The following PLD5 variants were observed in gnomAD, a reference collection of about 807,000 sequenced individuals.
PLD5 encodes the protein inactive phospholipase D5.
A neutral mutation model predicts 61.1 loss-of-function variants in PLD5; 36 were observed. That is an observed-to-expected ratio of 0.59 (90% CI 0.45 to 0.78). The LOEUF (loss-of-function observed/expected upper bound fraction) is 0.78, where lower values mean the gene tolerates loss of function less well. Ranked by LOEUF, PLD5 falls within the 30% of genes least tolerant of loss-of-function variation. PLD5 has a pLI of 0.00. For synonymous variants in PLD5, 243 were observed against 242.8 expected, an observed-to-expected ratio of 1.00 and a Z score of -0.01; for missense variants, 515 against 644.4, an observed-to-expected ratio of 0.80 and a Z score of 2.17.
At chr1:242,201,301 G>A (rs956045614) in intron 5 of PLD5, among the ~76,000 whole-genome samples, 1 of 152,166 alleles carries the variant, frequency 6.6e-6, no homozygotes, top group Non-Finnish European at 1.5e-5. Context: ...CTTGACATAT[G>A]CAGAATGATT....
At chr1:242,420,951 C>G (rs112724876) in intron 1 of PLD5, among the ~76,000 whole-genome samples, 6,214 of 152,070 alleles carry the variant, frequency 0.041, 445 homozygotes, top group African/African-American at 0.14. Context: ...GAAGGCCGAG[C>G]CAGGCGGATC....
At chr1:242,427,484 T>C (rs1665495276) in intron 1 of PLD5, among the ~76,000 whole-genome samples, 1 of 152,218 alleles carries the variant, frequency 6.6e-6, no homozygotes, top group South Asian at 2.1e-4. Flanking sequence ...TTCAATTTAA[T>C]ATCATGTTAA....
chr1:242,211,872 A>G lies in PLD5; in HGVS notation c.735+8116T>C, dbSNP rs978878715. On this transcript the variant is annotated intron_variant, in intron 5 of 9. Coordinates refer to ENST00000536534, the MANE Select transcript of PLD5 (RefSeq NM_001372062.1). ...AAACAGTATATAGAAGTATTGAAACAGCTGCTTAAAGCTAGTGGAGCCTAT... is the reference window on the plus strand; with the variant it reads ...AAACAGTATATAGAAGTATTGAAACGGCTGCTTAAAGCTAGTGGAGCCTAT... 1.1e-4 allele frequency among the ~76,000 whole-genome samples: 17 copies of G among 152,350 alleles called. No individual in the cohort carries two copies. In the East Asian group the frequency reaches 3.1e-3, roughly 28 times the overall value.
intron 2 of PLD5, among the ~76,000 whole-genome samples, chr1:242,336,142 C>A (rs1395926663): frequency 1.3e-5 from 2 of 152,046 alleles, no homozygotes; most frequent in East Asian, 3.9e-4. Context: ...ATCAGACTGG[C>A]AAAGATAAAG....
chr1:242,354,051 G>A (rs1333571524), intron 1 of PLD5, among the ~76,000 whole-genome samples: 1 of 151,482 alleles, frequency 6.6e-6, no homozygotes, highest in East Asian at 1.9e-4. Flanking sequence ...ATTGAGGTAA[G>A]AGACCAGGAA....
chr1:242,177,544 C>T (rs543147268), intron 5 of PLD5, among the ~76,000 whole-genome samples: 52 of 152,024 alleles, frequency 3.4e-4, no homozygotes, highest in African/African-American at 1.1e-3. Context: ...TGTACATGTA[C>T]CCTAGAACTT....
intron 4 of PLD5, among the ~76,000 whole-genome samples, chr1:242,228,626 G>A (rs1278948681): frequency 1.3e-5 from 2 of 150,934 alleles, no homozygotes; most frequent in Admixed American, 1.3e-4. Context: ...AAAGATAAGA[G>A]AAGTCAAGCT....
intron 4 of PLD5, among the ~76,000 whole-genome samples, chr1:242,250,832 G>A (rs1672658837): frequency 6.6e-6 from 1 of 152,162 alleles, no homozygotes; most frequent in Non-Finnish European, 1.5e-5. Context: ...GTCATTTGCA[G>A]TCATTCCAGA....
At chr1:242,210,918 A>G (rs1669773810) in intron 5 of PLD5, 2 of 152,202 alleles carry the variant, frequency 1.3e-5, no homozygotes, top group Non-Finnish European at 2.9e-5. Context: ...CGAGGCCCTT[A>G]CCCTCTTATA....
At chr1:242,121,546 A>T (rs1662358144) in intron 6 of PLD5, among the ~76,000 whole-genome samples, 1 of 152,214 alleles carries the variant, frequency 6.6e-6, no homozygotes, top group Non-Finnish European at 1.5e-5. Flanking sequence ...ATAAAAAAAG[A>T]AAGTAAACTA....
chr1:242,272,176 G>T (rs1674129321), intron 3 of PLD5, among the ~76,000 whole-genome samples: 1 of 152,002 alleles, frequency 6.6e-6, no homozygotes, highest in Admixed American at 6.6e-5. Context: ...GAAAAAGTGG[G>T]TCATTTTTAT....
At chr1:242,477,296 G>T (rs1044839268) in intron 1 of PLD5, among the ~76,000 whole-genome samples, 1 of 151,846 alleles carries the variant, frequency 6.6e-6, no homozygotes, top group African/African-American at 2.4e-5. Context: ...GAAGGGAAAT[G>T]CTGTCCTGGC....
chr1:242,458,577 G>A (rs536445545), intron 1 of PLD5, among the ~76,000 whole-genome samples: 1 of 152,324 alleles, frequency 6.6e-6, no homozygotes, highest in East Asian at 1.9e-4. Context: ...GCTGGAGAAA[G>A]TGTTATAAGT....
intron 4 of PLD5, among the ~76,000 whole-genome samples, chr1:242,251,572 T>A (rs1672703468): frequency 6.6e-6 from 1 of 151,944 alleles, no homozygotes; most frequent in Non-Finnish European, 1.5e-5. Flanking sequence ...GCTGCCGCAG[T>A]TGGAGGACTG....
chr1:242,222,436 C>A (rs775562053), intron 4 of PLD5, among the ~76,000 whole-genome samples: 1 of 152,164 alleles, frequency 6.6e-6, no homozygotes, highest in Non-Finnish European at 1.5e-5. Flanking sequence ...GTGCTGGCCT[C>A]AGATTCCACG....
intron 1 of PLD5, among the ~76,000 whole-genome samples, chr1:242,489,007 A>C (rs1486145209): frequency 6.6e-6 from 1 of 152,224 alleles, no homozygotes; most frequent in Non-Finnish European, 1.5e-5. Context: ...TATTTGAGGA[A>C]GTAAATCTCT....
chr1:242,396,168 A>C (rs1260935489), intron 1 of PLD5, among the ~76,000 whole-genome samples: 1 of 152,174 alleles, frequency 6.6e-6, no homozygotes, highest in Non-Finnish European at 1.5e-5. Flanking sequence ...GATGGGCAGG[A>C]CCAGATGTGG....
chr1:242,361,587 G>T (rs1486754521), intron 1 of PLD5, among the ~76,000 whole-genome samples: 2 of 152,102 alleles, frequency 1.3e-5, no homozygotes, highest in African/African-American at 4.8e-5. Context: ...AATTTAAAAT[G>T]CTATTACATA....
intron 1 of PLD5, among the ~76,000 whole-genome samples, chr1:242,496,800 C>A (rs550400739): frequency 3.4e-4 from 52 of 152,330 alleles, no homozygotes; most frequent in African/African-American, 1.1e-3. Context: ...GTTAGCTCAT[C>A]CCTTGGCTTT....
Sources: allele counts gnomAD v4.1 joint callset (sites outside exome capture counted in the v4.1 genomes callset), GRCh38; gene constraint gnomAD v4.1.1; transcripts MANE v1.5; gene names NCBI Gene and HGNC (gene_info 2026-07-23, HGNC 2026-07-21).